Variants in TEX52 observed in about 807,000 individuals in gnomAD.
The protein encoded by TEX52 is testis expressed 52.
TEX52 carries 22 observed loss-of-function variants against 17.6 expected under a neutral mutation model. That is an observed-to-expected ratio of 1.25 (90% CI 0.89 to 1.78). The LOEUF is 1.78. TEX52 is among the 40% of genes most tolerant of loss of function. The pLI is 0.00. For missense variants in TEX52, 396 were observed against 372.3 expected, an observed-to-expected ratio of 1.06 and a Z score of -0.52; for synonymous variants, 168 against 147.4, an observed-to-expected ratio of 1.14 and a Z score of -1.01.
rs146243190 is a variant in TEX52, at chr12:2,851,101, T to C, written c.624-1576A>G. 3.5e-4 allele frequency among the ~76,000 whole-genome samples: 50 copies of C among 144,806 alleles called. No individual in the cohort carries two copies. In the East Asian group the frequency reaches 9.6e-3, roughly 28 times the overall value. 95.0% of individuals were successfully genotyped at this position (144,806 alleles called of 152,430 possible). A position where few individuals can be genotyped will look rare whatever the true frequency, so the allele number is the denominator to read the frequency against. ...AGAATCGCTTGAACCCAGGAGGCAG[T>C]GAGCAGTGCCGAGATCATACCATTG... On this transcript the variant is annotated intron_variant, in intron 2 of 2. Transcript: ENST00000637658.
At chr12:2,854,787 GCCAGAGC>G in intron 2 of TEX52, 102 bp downstream of exon 2, 3 of 1,175,496 alleles carry the variant, frequency 2.6e-6, no homozygotes, top group Non-Finnish European at 3.5e-6. Context: ...TTTTCAGATG[GCCAGAGC>G]GGGGAAGGAC....
At chr12:2,855,493 G>T (rs1024375713) in intron 1 of TEX52, 47 bp from the exon 2 acceptor site, 28 of 1,349,414 alleles carry the variant, frequency 2.1e-5, no homozygotes, top group Admixed American at 2.1e-4. Context: ...GCAGACAGGG[G>T]TGCAGAAAGG....
In TEX52 at chr12:2,855,302, T is replaced by C; in HGVS notation, c.217A>G (p.Met73Val). ...AGCCGCTGACGCACCTTGGACTTCA[T>C]ATCTGTGCAGGGCGGCAGCTTCAGA... ...LALKLPPCTD[M>V]KSKVRQRLIH... The change falls in exon 2 of 3, where the codon ATG (methionine) becomes GTG (valine). Residue 73 changes from methionine (M) to valine (V), a missense_variant. Coordinates refer to ENST00000637658, the MANE Select transcript of TEX52 (RefSeq NM_001365174.2). 6.5e-7 allele frequency: 1 copy of C among 1,528,914 alleles called. No homozygotes were observed. Among genetic ancestry groups the C allele is most frequent in the Non-Finnish European group, 8.8e-7 (1 of 1,141,332 alleles). The allele number at this position is 1,528,914 out of a possible 1,614,324, so 94.7% of individuals were successfully genotyped here.
At chr12:2,853,019 A>C (rs918542673) in intron 2 of TEX52, among the ~76,000 whole-genome samples, 2 of 142,722 alleles carry the variant, frequency 1.4e-5, no homozygotes, top group East Asian at 2.1e-4. Flanking sequence ...GAAACAACAA[A>C]AAAAAACGGG....
chr12:2,853,654 C>T (rs1343920445), intron 2 of TEX52, among the ~76,000 whole-genome samples: 3 of 151,798 alleles, frequency 2.0e-5, no homozygotes, highest in Non-Finnish European at 4.4e-5. Flanking sequence ...CACTCCAACT[C>T]CCCAGTGCTT....
rs575419223 is a variant in TEX52 at position 2,854,961 on chromosome 12, C to T, written c.558G>A (p.Arg186=). ...ELKEVEKLKL[R]SEARAPPLDA... ...CGAGTGGGGGTGCTCTTGCCTCACT[C>T]CTCAACTTGAGCTTCTCCACCTCCT... The change falls in exon 2 of 3, where the codon AGG becomes AGA. Residue 186 remains arginine, a synonymous_variant. Coordinates refer to ENST00000637658, the MANE Select transcript of TEX52 (RefSeq NM_001365174.2). 2.8e-4 allele frequency: 434 copies of T among 1,536,182 alleles called. 2 individuals carry two copies. Among genetic ancestry groups the T allele is most frequent in the South Asian group, 7.9e-4 (66 of 84,056 alleles).
downstream of TEX52, among the ~76,000 whole-genome samples, chr12:2,848,249 A>G (rs948118036): frequency 4.6e-5 from 7 of 152,164 alleles, no homozygotes; most frequent in South Asian, 2.1e-4. Context: ...GTGACCATCA[A>G]TGTGGGAATG....
chr12:2,854,889 G>T lies in TEX52; in HGVS notation c.623+7C>A. The T allele has an allele frequency of 2.0e-6, 3 of 1,531,076 alleles. No individual in the cohort carries two copies. Among genetic ancestry groups the T allele is most frequent in the Non-Finnish European group, 2.6e-6 (3 of 1,143,754 alleles). 94.8% of individuals were successfully genotyped at this position (1,531,076 alleles called of 1,614,324 possible). A position where few individuals can be genotyped will look rare whatever the true frequency, so the allele number is the denominator to read the frequency against. On this transcript the variant is annotated splice_region_variant and intron_variant, in intron 2 of 2. Transcript: ENST00000637658. ...TGGGTGGGCTCCCTGAGGAGGCACC[G>T]TCTTACTTCTTGAAGCTCGCTGGCG...
rs954877218 is a variant in TEX52, at chr12:2,855,303, A to G, written c.216T>C (p.Asp72=). The G allele has an allele frequency of 4.6e-6, 7 of 1,528,854 alleles. No homozygotes were observed. In the East Asian group the frequency reaches 9.9e-5, roughly 22 times the overall value. 94.7% of individuals were successfully genotyped at this position (1,528,854 alleles called of 1,614,324 possible). The part of the protein sequence containing the change: ...QLALKLPPCT[D]MKSKVRQRLI... ...GCCGCTGACGCACCTTGGACTTCAT[A>G]TCTGTGCAGGGCGGCAGCTTCAGAG... The change falls in exon 2 of 3, where the codon GAT becomes GAC. Residue 72 remains aspartate, a synonymous_variant. Transcript: ENST00000637658.
In TEX52 at chr12:2,855,399, C is replaced by G; in HGVS notation, c.120G>C (p.Gln40His). 1.1e-6 allele frequency: 1 copy of G among 919,572 alleles called. No individual in the cohort carries two copies. The highest frequency in any genetic ancestry group is 1.5e-6 in the Non-Finnish European group (1 of 666,342). 57.0% of individuals were successfully genotyped at this position (919,572 alleles called of 1,614,324 possible). A position where few individuals can be genotyped will look rare whatever the true frequency, so the allele number is the denominator to read the frequency against. The change falls in exon 2 of 3, where the codon CAG becomes CAC. Residue 40 changes from glutamine to histidine, a missense_variant. By Grantham distance (24) the Gln-to-His change is conservative. Coordinates refer to ENST00000637658, the MANE Select transcript of TEX52 (RefSeq NM_001365174.2). Reference sequence around the variant, plus strand: ...ACTCGCTGGGGAGGAAGAACTCACGCTGAGCCCACGTTTGGGAGGGTGGGA... The same window carrying G: ...ACTCGCTGGGGAGGAAGAACTCACGGTGAGCCCACGTTTGGGAGGGTGGGA... Reference protein sequence around the residue: ...ESLPPSQTWAQREFFLPSESW... With the variant: ...ESLPPSQTWAHREFFLPSESW...
chr12:2,848,574 G>A (rs1565446302), downstream of TEX52, among the ~76,000 whole-genome samples: 1 of 152,052 alleles, frequency 6.6e-6, no homozygotes. Context: ...TTGTTCCTCT[G>A]CTGAGACCTG....
intron 2 of TEX52, among the ~76,000 whole-genome samples, chr12:2,852,827 G>T (rs994008789): frequency 2.0e-4 from 30 of 152,030 alleles, no homozygotes; most frequent in African/African-American, 6.7e-4. Flanking sequence ...GAGAAACCCC[G>T]TCTCTACTAA....
At chr12:2,847,759 A>G (rs767457107), downstream of TEX52, among the ~76,000 whole-genome samples, 5 of 151,680 alleles carry the variant, frequency 3.3e-5, no homozygotes, top group Non-Finnish European at 5.9e-5. Context: ...CTGTCTCTAT[A>G]CGTTTGCCTA....
At chr12:2,854,150 T>A (rs2098079977) in intron 2 of TEX52, among the ~76,000 whole-genome samples, 1 of 152,210 alleles carries the variant, frequency 6.6e-6, no homozygotes, top group African/African-American at 2.4e-5. Flanking sequence ...CTCAGTCTCC[T>A]GAGTAGCTGG....
In TEX52 at chr12:2,849,267, T is replaced by A. The variant is rs1402026072; in HGVS notation, c.882A>T (p.Pro294=). ...HLSKAQASKS[P]ARKRKRRPGH... ...CAGGTCTTCTCTTCCTCTTCCTTGC[T>A]GGGGATTTGCTTGCTTGTGCCTTGG... The change falls in exon 3 of 3, where the codon CCA becomes CCT. Residue 294 remains proline, a synonymous_variant. Coordinates refer to ENST00000637658, the MANE Select transcript of TEX52 (RefSeq NM_001365174.2). 6.5e-7 allele frequency: 1 copy of A among 1,536,122 alleles called. No homozygotes were observed. Among genetic ancestry groups the A allele is most frequent in the Non-Finnish European group, 8.7e-7 (1 of 1,146,910 alleles).
chr12:2,855,987 T>A (rs1380474438), intron 1 of TEX52, among the ~76,000 whole-genome samples: 1 of 152,044 alleles, frequency 6.6e-6, no homozygotes, highest in African/African-American at 2.4e-5. Flanking sequence ...CCACTCCTCA[T>A]TAAAACGCTA....
intron 2 of TEX52, among the ~76,000 whole-genome samples, chr12:2,850,475 C>CA (rs1275655927): frequency 0.29 from 20,186 of 70,354 alleles, 2,318 homozygotes; most frequent in South Asian, 0.36. Flanking sequence ...GACTCTGTCT[C>CA]AAAAAAAAAA....
At chr12:2,851,901 A>G (rs2098072327) in intron 2 of TEX52, among the ~76,000 whole-genome samples, 1 of 150,254 alleles carries the variant, frequency 6.7e-6, no homozygotes, top group Admixed American at 6.6e-5. Context: ...CTGGTCTTGA[A>G]CTCCTTACCT....
At chr12:2,850,792 C>T (rs1400257675) in intron 2 of TEX52, among the ~76,000 whole-genome samples, 1 of 151,724 alleles carries the variant, frequency 6.6e-6, no homozygotes, top group Non-Finnish European at 1.5e-5. Flanking sequence ...CCTGCCTCAG[C>T]CTCCCAAGTA....
Sources: gnomAD v4.1 joint callset for allele counts (sites outside exome capture counted in the v4.1 genomes callset) on GRCh38, gnomAD v4.1.1 for gene constraint, MANE v1.5 for transcripts, NCBI Gene and HGNC (gene_info 2026-07-23, HGNC 2026-07-21) for gene names.